The following SRM variants were observed in gnomAD, a reference collection of about 807,000 sequenced individuals.
The protein encoded by SRM is putrescine aminopropyltransferase.
SRM carries 14 observed loss-of-function variants against 39.3 expected under a neutral mutation model. That is an observed-to-expected ratio of 0.36 (90% confidence interval 0.24 to 0.56). The LOEUF (loss-of-function observed/expected upper bound fraction) is 0.56, where lower values mean the gene tolerates loss of function less well. SRM is among the 20% of genes least tolerant of loss of function. The pLI is 0.86. For synonymous variants in SRM, 195 were observed against 173.1 expected (o/e 1.13, Z -0.99); for missense variants, 244 against 409.2 (o/e 0.60, Z 3.48).
intron 3 of SRM, 128 bp from the exon 4 acceptor site, chr1:11,056,885 TA>T: frequency 2.2e-6 from 2 of 929,300 alleles, no homozygotes; most frequent in Non-Finnish European, 3.2e-6. Context: ...TTTTTTTTAT[TA>T]TTTTTTTTTG....
rs1175003898 is a variant in SRM at position 11,054,703 on chromosome 1, C to T, written c.*162G>A. 1.2e-5 allele frequency: 12 copies of T among 1,017,764 alleles called. No homozygotes were observed. The highest frequency in any genetic ancestry group is 7.9e-5 in the East Asian group (3 of 37,946). 63.0% of individuals were successfully genotyped at this position (1,017,764 alleles called of 1,614,324 possible). A position where few individuals can be genotyped will look rare whatever the true frequency, so the allele number is the denominator to read the frequency against. On this transcript the variant is annotated 3_prime_UTR_variant, in exon 8 of 8. Transcript: ENST00000376957. The surrounding 1 kb of genome is among the most constrained non-coding windows in gnomAD (Gnocchi z 4.8). ...AACGCCAGAGAGACAGACACACAGACAGTCCGCCCAGCAGGGCAGGCCGGG... is the reference window on the plus strand; with the variant it reads ...AACGCCAGAGAGACAGACACACAGATAGTCCGCCCAGCAGGGCAGGCCGGG...
rs1291420776 is a variant in SRM at position 11,054,975 on chromosome 1, T to G, written c.875A>C (p.Glu292Ala). The change falls in exon 7 of 8, where the codon GAG becomes GCG. Residue 292 changes from glutamate (E) to alanine (A), a missense_variant. By Grantham distance (107) the Glu-to-Ala change is moderately radical (BLOSUM62 -1). Transcript: ENST00000376957. This position sits in a 1 kb window ranked among gnomAD's most constrained non-coding sequence, Gnocchi z 4.8. ...DVHRAAFVLP[E>A]FARKALNDVS ...CAGGCCACCCACCTTGCGGGCAAAC[T>G]CGGGCAGCACAAAGGCGGCGCGGTG... is the stretch of plus-strand genomic sequence containing the variant. 6.2e-7 allele frequency: 1 copy of G among 1,611,440 alleles called. No individual in the cohort carries two copies. Among genetic ancestry groups the G allele is most frequent in the Admixed American group, 1.7e-5 (1 of 59,904 alleles).
chr1:11,055,343 A>G, intron 6 of SRM: 1 of 417,568 alleles, frequency 2.4e-6, no homozygotes. Flanking sequence ...TCCTGACCTC[A>G]AGTGATCCGC....
Position 11,056,745 on chromosome 1 carries a change from C to A in SRM, c.394G>T (p.Val132Phe). 6.2e-7 allele frequency: 1 copy of A among 1,614,194 alleles called. No homozygotes were observed. Among genetic ancestry groups the A allele is most frequent in the South Asian group, 1.1e-5 (1 of 91,082 alleles). Reference protein sequence around the residue: ...QCEIDEDVIQVSKKFLPGMAI... With the variant: ...QCEIDEDVIQFSKKFLPGMAI... The stretch of plus-strand genomic sequence containing the variant: ...ATGCCTGGCAGGAACTTCTTGGAGA[C>A]TTGGATGACATCCTGGAGGGGATGG... Residue 132 changes from valine (V) to phenylalanine (F), a missense_variant, in exon 4 of 8, where the codon GTC (valine) becomes TTC (phenylalanine). Val to Phe is a conservative substitution (Grantham distance 50). Coordinates refer to ENST00000376957, the MANE Select transcript of SRM (RefSeq NM_003132.3).
Position 11,058,910 on chromosome 1 carries a change from T to G in SRM, c.289-18A>C. The stretch of plus-strand genomic sequence containing the variant: ...ATCAGCACCTGGGAGGAGGGGGCAG[T>G]CAAGGCAGGGGCCCTGGCAGGACTG... On this transcript the variant is annotated intron_variant, in intron 2 of 7. Transcript: ENST00000376957. The G allele has an allele frequency of 6.3e-7, 1 of 1,594,266 alleles. No homozygotes were observed. Among genetic ancestry groups the G allele is most frequent in the African/African-American group, 1.3e-5 (1 of 74,596 alleles).
chr1:11,055,901 G>A lies in SRM; in HGVS notation c.645C>T (p.Asp215=), dbSNP rs1557682667. Reference sequence around the variant, plus strand: ...AGAACTGCCGCATCTCCTTGATGAGGTCCAGGTGCAGCCACTGGCACTCGC... The same window carrying A: ...AGAACTGCCGCATCTCCTTGATGAGATCCAGGTGCAGCCACTGGCACTCGC... The part of the protein sequence containing the change: ...CQGECQWLHL[D]LIKEMRQFCQ... The change falls in exon 6 of 8, where the codon GAC becomes GAT. Residue 215 remains aspartate, a synonymous_variant. Coordinates refer to ENST00000376957, the MANE Select transcript of SRM (RefSeq NM_003132.3). The A allele has an allele frequency of 5.6e-6, 9 of 1,606,914 alleles. No individual in the cohort carries two copies. The highest frequency in any genetic ancestry group is 1.7e-4 in the Middle Eastern group (1 of 6,026).
At chr1:11,056,873 CCTTT>C in intron 3 of SRM, 116 bp from the exon 4 acceptor site, 3 of 1,041,764 alleles carry the variant, frequency 2.9e-6, no homozygotes, top group Admixed American at 2.6e-5. Flanking sequence ...CAACCCCTTC[CCTTT>C]TTTTTATTAT....
Position 11,059,232 on chromosome 1 carries a change from G to C in SRM, c.281C>G (p.Pro94Arg), listed in dbSNP as rs527804392. The change falls in exon 2 of 8, where the codon CCG becomes CGG. Residue 94 changes from proline to arginine, a missense_variant. Coordinates refer to ENST00000376957, the MANE Select transcript of SRM (RefSeq NM_003132.3). ...ANLPLCSHPN[P>R]RKVLIIGGGD... ...CAGGGGACACTGGGGTACCTTTCGC[G>C]GGTTGGGGTGGCTGCAGAGAGGCAG... 1 of 1,613,504 alleles carries C rather than the reference G, an allele frequency of 6.2e-7. No individual in the cohort carries two copies. Among genetic ancestry groups the C allele is most frequent in the Admixed American group, 1.7e-5 (1 of 60,028 alleles).
In SRM at chr1:11,055,071, TG is replaced by T; in HGVS notation, c.778del (p.Gln260ArgfsTer7). 2 of 1,609,434 alleles carry T rather than the reference TG, an allele frequency of 1.2e-6. No individual in the cohort carries two copies. The highest frequency in any genetic ancestry group is 1.7e-6 in the Non-Finnish European group (2 of 1,178,406). On this transcript the variant is annotated frameshift_variant, in exon 7 of 8. Coordinates refer to ENST00000376957, the MANE Select transcript of SRM (RefSeq NM_003132.3). LOFTEE classifies it high-confidence loss of function. ...LCSKNPSTNF[Q>X]EPVQPLTQQQ... Reference sequence around the variant, plus strand: ...CTGTGTCAGCGGCTGCACCGGCTCCTGGAAGTTCGTGCTCTGGGGACCGGGC... The same window carrying T: ...CTGTGTCAGCGGCTGCACCGGCTCCTGAAGTTCGTGCTCTGGGGACCGGGC...
In SRM at chr1:11,058,791, G is replaced by C. The variant is rs777479970; in HGVS notation, c.381+9C>G. 1.9e-6 allele frequency: 3 copies of C among 1,601,996 alleles called. No individual in the cohort carries two copies. The highest frequency in any genetic ancestry group is 1.7e-5 in the Admixed American group (1 of 58,546). On this transcript the variant is annotated intron_variant, in intron 3 of 7. Transcript: ENST00000376957. ...CAGGACTCAAACCTGGCTCTACGCC[G>C]GCACTCACCTCGTCGATCTCACACT...
Position 11,059,287 on chromosome 1 carries a change from C to G in SRM, c.226G>C (p.Glu76Gln). Residue 76 changes from glutamate (E) to glutamine (Q), a missense_variant, in exon 2 of 8, where the codon GAG becomes CAG. Physicochemically the swap from Glu to Gln is conservative, Grantham distance 29. Transcript: ENST00000376957. ...GCGATCATCTCCTGGTAGGAGAACT[C>G]GTCTCTCTCCGTGCACTGGATGACA... is the stretch of plus-strand genomic sequence containing the variant. ...DGVIQCTERD[E>Q]FSYQEMIANL... 1.2e-6 allele frequency: 2 copies of G among 1,613,666 alleles called. No individual in the cohort carries two copies. The highest frequency in any genetic ancestry group is 1.7e-6 in the Non-Finnish European group (2 of 1,179,990).
chr1:11,059,954 CG>C lies in SRM; in HGVS notation c.-12del. ...GGGGCCGGGCTCCATGGCGGGCGGG[CG>C]GGCGGCGCGGGGCGCGGGCCCGGGA... is the stretch of plus-strand genomic sequence containing the variant. On this transcript the variant is annotated 5_prime_UTR_variant, in exon 1 of 8. Coordinates refer to ENST00000376957, the MANE Select transcript of SRM (RefSeq NM_003132.3). The C allele has an allele frequency of 1.3e-6, 1 of 741,894 alleles. No individual in the cohort carries two copies. The highest frequency in any genetic ancestry group is 1.7e-6 in the Non-Finnish European group (1 of 603,960). The allele number at this position is 741,894 out of a possible 1,614,324, so 46.0% of individuals were successfully genotyped here. A position where few individuals can be genotyped will look rare whatever the true frequency, so the allele number is the denominator to read the frequency against.
Position 11,056,739 on chromosome 1 carries a change from T to TG in SRM, c.399dup (p.Lys134GlnfsTer13). 6.2e-7 allele frequency: 1 copy of TG among 1,614,126 alleles called. No individual in the cohort carries two copies. The highest frequency in any genetic ancestry group is 8.5e-7 in the Non-Finnish European group (1 of 1,180,008). On this transcript the variant is annotated frameshift_variant, in exon 4 of 8. Coordinates refer to ENST00000376957, the MANE Select transcript of SRM (RefSeq NM_003132.3). LOFTEE classifies it high-confidence loss of function. ...ATGGCCATGCCTGGCAGGAACTTCT[T>TG]GGAGACTTGGATGACATCCTGGAGG...
rs753430409 is a variant in SRM, at chr1:11,055,856, C to G, written c.690G>C (p.Val230=). The stretch of plus-strand genomic sequence containing the variant: ...GGATGGTGCAGTAGGCATAGGCCAC[C>G]ACGGGGAACAGGGACTGGCAGAACT... ...MRQFCQSLFP[V]VAYAYCTIPT... The change falls in exon 6 of 8, where the codon GTG becomes GTC. Residue 230 remains valine (V), a synonymous_variant. Transcript: ENST00000376957. The G allele has an allele frequency of 2.5e-5, 40 of 1,612,874 alleles. No individual in the cohort carries two copies. In the South Asian group the frequency reaches 3.8e-4, roughly 16 times the overall value.
chr1:11,057,014 G>C (rs1288735132), intron 3 of SRM, among the ~76,000 whole-genome samples: 1 of 152,014 alleles, frequency 6.6e-6, no homozygotes. Flanking sequence ...GAGTAGCTGG[G>C]ACAAGTGTGT....
chr1:11,059,023 G>C, intron 2 of SRM, 131 bp from the exon 3 acceptor site: 1 of 1,300,694 alleles, frequency 7.7e-7, no homozygotes, highest in South Asian at 1.4e-5. Flanking sequence ...CTTTCGTGCC[G>C]GTGTCCCCTT....
At chr1:11,055,986 C>G (rs1553162980) in intron 5 of SRM, 25 bp downstream of exon 5, 2 of 1,601,386 alleles carry the variant, frequency 1.2e-6, no homozygotes, top group Non-Finnish European at 1.7e-6. Context: ...CCGCCCCGCC[C>G]CAGTGCTCCA....
At chr1:11,059,717 C>A (rs570213978) in intron 1 of SRM, 60 bp downstream of exon 1, 2 of 1,512,996 alleles carry the variant, frequency 1.3e-6, no homozygotes, top group African/African-American at 1.4e-5. Flanking sequence ...GCCCGTGAGG[C>A]GGGCAGCAGG....
At chr1:11,058,205 G>A (rs1442840458) in intron 3 of SRM, among the ~76,000 whole-genome samples, 1 of 152,168 alleles carries the variant, frequency 6.6e-6, no homozygotes, top group Non-Finnish European at 1.5e-5. Context: ...GCTACTGAGT[G>A]TAAGGGGTAA....
Sources: allele counts gnomAD v4.1 joint callset (sites outside exome capture counted in the v4.1 genomes callset), GRCh38; gene constraint gnomAD v4.1.1; non-coding constraint Gnocchi (gnomAD v3.1); transcripts MANE v1.5; gene names NCBI Gene and HGNC (gene_info 2026-07-23, HGNC 2026-07-21).